TUBD1: variants seen among roughly 807,000 people sequenced by gnomAD.
TUBD1 encodes tubulin delta chain.
In TUBD1, 38 loss-of-function variants were observed where a neutral mutation model predicts 51.2. The observed-to-expected ratio is 0.74, with a 90% CI of 0.57 to 0.97. The LOEUF (loss-of-function observed/expected upper bound fraction) is 0.97, where lower values mean the gene tolerates loss of function less well. Ranked by LOEUF, TUBD1 falls within the 50% of genes least tolerant of loss-of-function variation. The pLI is 0.00. For synonymous variants in TUBD1, 169 were observed against 178.2 expected (o/e 0.95, Z 0.41); for missense variants, 489 against 538.4 (o/e 0.91, Z 0.91).
At chr17:59,876,095 G>A (rs779191568) in intron 5 of TUBD1, among the ~76,000 whole-genome samples, 5 of 152,084 alleles carry the variant, frequency 3.3e-5, no homozygotes, top group Non-Finnish European at 5.9e-5. Context: ...ATTCTTTTCT[G>A]TAAAATACCT....
chr17:59,881,795 G>A (rs2040501602), intron 3 of TUBD1, among the ~76,000 whole-genome samples: 1 of 151,780 alleles, frequency 6.6e-6, no homozygotes, highest in African/African-American at 2.4e-5. Context: ...TCAGCCTCCT[G>A]AGTAGCTGGG....
intron 8 of TUBD1, 85 bp downstream of exon 8, chr17:59,863,579 T>C: frequency 8.6e-7 from 1 of 1,168,020 alleles, no homozygotes; most frequent in Non-Finnish European, 1.1e-6. Context: ...ATCGTGCCAC[T>C]GCACTCCAGC....
Position 59,860,422 on chromosome 17 carries a change from G to T in TUBD1, c.1262C>A (p.Ala421Asp). ...GKAWNMFASK[A>D]YIHQYTKFGI... ...AAATTTTGTGTACTGATGAATGTAG[G>T]CTCTGGTAGAAAAAAAAAAAAAACA... Residue 421 changes from alanine to aspartate, a missense_variant and splice_region_variant, in exon 9 of 9, where the codon GCC (alanine) becomes GAC (aspartate). Ala to Asp is a moderately radical substitution (Grantham distance 126). Transcript: ENST00000325752. 1 of 1,538,702 alleles carries T rather than the reference G, an allele frequency of 6.5e-7. No individual in the cohort carries two copies. The highest frequency in any genetic ancestry group is 2.0e-5 in the Admixed American group (1 of 50,172).
chr17:59,868,611 G>C (rs576674743), intron 6 of TUBD1, among the ~76,000 whole-genome samples: 3 of 152,184 alleles, frequency 2.0e-5, no homozygotes, highest in South Asian at 2.1e-4. Context: ...AGGCAGAGGG[G>C]GGGGATCACG....
At chr17:59,883,067 G>A (rs2040562057) in intron 3 of TUBD1, among the ~76,000 whole-genome samples, 1 of 151,746 alleles carries the variant, frequency 6.6e-6, no homozygotes, top group South Asian at 2.1e-4. Context: ...TCACAAGCGA[G>A]AGCCACCATA....
At chr17:59,889,606 T>C (rs542402968) in intron 2 of TUBD1, among the ~76,000 whole-genome samples, 7 of 143,758 alleles carry the variant, frequency 4.9e-5, no homozygotes, top group Admixed American at 1.4e-4. Context: ...TAGTCGGAGG[T>C]TGCAGTGAGC....
intron 5 of TUBD1, 117 bp from the exon 6 acceptor site, chr17:59,874,820 C>T (rs1057512176): frequency 1.3e-6 from 1 of 755,122 alleles, no homozygotes. Flanking sequence ...CTTCTCAGAC[C>T]AGAATTATTT....
At chr17:59,878,467 T>C in intron 4 of TUBD1, 133 bp from the exon 5 acceptor site, 1 of 634,046 alleles carries the variant, frequency 1.6e-6, no homozygotes, top group Non-Finnish European at 2.7e-6. Flanking sequence ...GGACAAGTTT[T>C]TTAATCTCTA....
At chr17:59,864,583 C>T (rs1383063932) in intron 7 of TUBD1, among the ~76,000 whole-genome samples, 3 of 152,082 alleles carry the variant, frequency 2.0e-5, no homozygotes, top group Non-Finnish European at 4.4e-5. Context: ...CTCACTGCAG[C>T]CTTCACCTCC....
At chr17:59,880,846 T>C in intron 4 of TUBD1, 48 bp downstream of exon 4, 2 of 1,538,818 alleles carry the variant, frequency 1.3e-6, no homozygotes, top group Non-Finnish European at 1.8e-6. Flanking sequence ...TATTTATTTC[T>C]ATTGCAAAGA....
At chr17:59,888,738 C>G (rs1428216950) in intron 2 of TUBD1, among the ~76,000 whole-genome samples, 1 of 143,616 alleles carries the variant, frequency 7.0e-6, no homozygotes, top group Non-Finnish European at 1.5e-5. Flanking sequence ...TTTTTTTTTT[C>G]TTTTTTGAGA....
intron 6 of TUBD1, among the ~76,000 whole-genome samples, chr17:59,869,208 G>C (rs2039864177): frequency 6.6e-6 from 1 of 151,868 alleles, no homozygotes; most frequent in Non-Finnish European, 1.5e-5. Flanking sequence ...GGGCATGGTG[G>C]CTTCTGCCTA....
Position 59,881,074 on chromosome 17 carries a change from T to C in TUBD1, c.357A>G (p.Ile119Met). Residue 119 changes from isoleucine to methionine, a missense_variant, in exon 4 of 9, where the codon ATA becomes ATG. Ile to Met is a conservative substitution (Grantham distance 10). Coordinates refer to ENST00000325752, the MANE Select transcript of TUBD1 (RefSeq NM_016261.4). The stretch of plus-strand genomic sequence containing the variant: ...CCACTTCCTTCCGGATTATGTTCAT[T>C]ATAGATTCTTCATGCCTGGGTCCAT... The part of the protein sequence containing the change: ...SVHGPRHEES[I>M]MNIIRKEVEK... The C allele has an allele frequency of 6.2e-7, 1 of 1,614,162 alleles. No individual in the cohort carries two copies. Among genetic ancestry groups the C allele is most frequent in the Non-Finnish European group, 8.5e-7 (1 of 1,180,024 alleles).
intron 3 of TUBD1, among the ~76,000 whole-genome samples, chr17:59,882,445 C>A (rs190160022): frequency 8.8e-4 from 134 of 152,074 alleles, no homozygotes; most frequent in African/African-American, 3.1e-3. Context: ...CGCCACCACA[C>A]CCGGCTGATT....
chr17:59,874,457 G>T, intron 6 of TUBD1, 82 bp downstream of exon 6: 1 of 1,403,964 alleles, frequency 7.1e-7, no homozygotes, highest in South Asian at 1.4e-5. Flanking sequence ...TATTTAAACT[G>T]GTCCAAGCCA....
chr17:59,867,271 A>C (rs2039751459), intron 6 of TUBD1, among the ~76,000 whole-genome samples: 1 of 152,052 alleles, frequency 6.6e-6, no homozygotes, highest in African/African-American at 2.4e-5. Context: ...CCTGGGCTCA[A>C]ATGATCCTCC....
chr17:59,881,169 A>G, intron 3 of TUBD1, 59 bp from the exon 4 acceptor site: 1 of 1,365,566 alleles, frequency 7.3e-7, no homozygotes, highest in Non-Finnish European at 1.0e-6. Flanking sequence ...CAGATATGTA[A>G]TTCAGAGAGA....
intron 8 of TUBD1, 104 bp from the exon 9 acceptor site, chr17:59,860,528 A>C: frequency 2.9e-6 from 2 of 691,734 alleles, no homozygotes; most frequent in Non-Finnish European, 4.9e-6. Flanking sequence ...TGAACATTTG[A>C]AGATCACACA....
intron 2 of TUBD1, among the ~76,000 whole-genome samples, chr17:59,888,507 T>C (rs961964464): frequency 1.3e-5 from 2 of 152,182 alleles, no homozygotes; most frequent in African/African-American, 4.8e-5. Flanking sequence ...TTCAGGTTCA[T>C]ATGAGAGATG....
Sources: allele counts gnomAD v4.1 joint callset (sites outside exome capture counted in the v4.1 genomes callset), GRCh38; gene constraint gnomAD v4.1.1; transcripts MANE v1.5; gene names NCBI Gene and HGNC (gene_info 2026-07-23, HGNC 2026-07-21).